SGMS1: variants seen among roughly 807,000 people sequenced by gnomAD.
SGMS1 encodes sphingomyelin synthase 1.
In SGMS1, 13 loss-of-function variants were observed where a neutral mutation model predicts 46.2. That is an observed-to-expected ratio of 0.28 (90% CI 0.18 to 0.45). SGMS1 has a LOEUF of 0.45. Ranked by LOEUF, SGMS1 falls within the 20% of genes least tolerant of loss-of-function variation. SGMS1 has a pLI of 1.00. For missense variants in SGMS1, 324 were observed against 519.9 expected (o/e 0.62, Z 3.66); for synonymous variants, 203 against 187.8 (o/e 1.08, Z -0.66).
At chr10:50,367,542 G>A (rs755960145) in intron 6 of SGMS1, among the ~76,000 whole-genome samples, 3 of 152,060 alleles carry the variant, frequency 2.0e-5, no homozygotes, top group Non-Finnish European at 4.4e-5. Context: ...CCTTCTGCTG[G>A]TCTCCTGGAG....
chr10:50,551,668 G>C (rs879692027), intron 2 of SGMS1, among the ~76,000 whole-genome samples: 1 of 152,014 alleles, frequency 6.6e-6, no homozygotes, highest in Admixed American at 6.6e-5. Context: ...AAATCTAAAA[G>C]TATTCTAAAA....
intron 2 of SGMS1, among the ~76,000 whole-genome samples, chr10:50,548,163 A>G (rs116408559): frequency 0.012 from 1,758 of 152,106 alleles, 31 homozygotes; most frequent in African/African-American, 0.041. Context: ...CTATAAGGAT[A>G]TACCTGAGAC....
intron 3 of SGMS1, among the ~76,000 whole-genome samples, chr10:50,506,756 G>A (rs1422645476): frequency 6.6e-6 from 1 of 152,176 alleles, no homozygotes; most frequent in Non-Finnish European, 1.5e-5. Flanking sequence ...AGGCAGTGCA[G>A]CAAGCACATA....
At chr10:50,486,238 C>G (rs1837520251) in intron 3 of SGMS1, among the ~76,000 whole-genome samples, 1 of 152,112 alleles carries the variant, frequency 6.6e-6, no homozygotes, top group Non-Finnish European at 1.5e-5. Flanking sequence ...CAACACCATT[C>G]AGGACATAGG....
chr10:50,483,186 T>C (rs1380769891), intron 3 of SGMS1, among the ~76,000 whole-genome samples: 1 of 152,182 alleles, frequency 6.6e-6, no homozygotes, highest in East Asian at 1.9e-4. Flanking sequence ...TTCAAGCGAT[T>C]CTCCTGCCTC....
At chr10:50,418,841 G>A (rs1187943992) in intron 6 of SGMS1, among the ~76,000 whole-genome samples, 1 of 152,100 alleles carries the variant, frequency 6.6e-6, no homozygotes, top group Non-Finnish European at 1.5e-5. Flanking sequence ...GGGCTAAAAT[G>A]CCCACCTAAC....
chr10:50,476,989 G>C (rs1292347586), intron 3 of SGMS1, among the ~76,000 whole-genome samples: 1 of 152,254 alleles, frequency 6.6e-6, no homozygotes, highest in Non-Finnish European at 1.5e-5. Flanking sequence ...TAGGGTTGGA[G>C]CCCCCACACA....
At chr10:50,312,958 C>T (rs2133279403) in intron 8 of SGMS1, among the ~76,000 whole-genome samples, 1 of 152,270 alleles carries the variant, frequency 6.6e-6, no homozygotes, top group Middle Eastern at 3.4e-3. Flanking sequence ...ATGCCTCTGG[C>T]TGTATTGAGA....
At position 50,449,665 on chromosome 10, in the gene SGMS1, A is replaced by G. The variant is rs147369891; in HGVS notation, c.-313+11008T>C. 8.3e-3 allele frequency among the ~76,000 whole-genome samples: 1,165 copies of G among 139,538 alleles called. 15 individuals are homozygous for G. The highest frequency in any genetic ancestry group is 0.042 in the South Asian group (188 of 4,528). The allele number at this position is 139,538 out of a possible 152,430, so 91.5% of individuals were successfully genotyped here. A position where few individuals can be genotyped will look rare whatever the true frequency, so the allele number is the denominator to read the frequency against. On this transcript the variant is annotated intron_variant, in intron 5 of 10. Transcript: ENST00000361781. ...CGTGTGTGTGTGTGTGTGTGTGTGTACACACATGCCCCAATTAGACTTACA... is the reference window on the plus strand; with the variant it reads ...CGTGTGTGTGTGTGTGTGTGTGTGTGCACACATGCCCCAATTAGACTTACA...
intron 3 of SGMS1, among the ~76,000 whole-genome samples, chr10:50,515,046 A>G (rs1837789544): frequency 6.6e-6 from 1 of 152,238 alleles, no homozygotes; most frequent in Admixed American, 6.5e-5. Context: ...GAAGGTGATT[A>G]AAATAATCCT....
At chr10:50,349,680 A>G (rs771392472) in intron 6 of SGMS1, among the ~76,000 whole-genome samples, 13 of 152,268 alleles carry the variant, frequency 8.5e-5, no homozygotes, top group Admixed American at 2.6e-4. Flanking sequence ...GTGGTAGTGA[A>G]TAAGCCTCAT....
At chr10:50,535,250 C>CAAT (rs397791800) in intron 2 of SGMS1, among the ~76,000 whole-genome samples, 1 of 151,174 alleles carries the variant, frequency 6.6e-6, no homozygotes, top group African/African-American at 2.4e-5. Flanking sequence ...ACAACAACAA[C>CAAT]TATCATCTTA....
At chr10:50,327,952 A>G (rs139144099) in intron 7 of SGMS1, 3 of 266,344 alleles carry the variant, frequency 1.1e-5, no homozygotes, top group Non-Finnish European at 2.2e-5. Flanking sequence ...TAGGGGTAAC[A>G]ACATTAGAAA....
intron 3 of SGMS1, among the ~76,000 whole-genome samples, chr10:50,488,598 T>A (rs1173040629): frequency 2.0e-5 from 3 of 152,110 alleles, no homozygotes; most frequent in Non-Finnish European, 4.4e-5. Context: ...TATTCCAGAC[T>A]TTTCCCAAGT....
chr10:50,313,692 C>T (rs1347483473), intron 8 of SGMS1, among the ~76,000 whole-genome samples: 1 of 152,096 alleles, frequency 6.6e-6, no homozygotes, highest in East Asian at 1.9e-4. Flanking sequence ...CTAAAATTCC[C>T]TCTGTGTTTT....
At chr10:50,620,213 G>A (rs1170748027) in intron 1 of SGMS1, among the ~76,000 whole-genome samples, 1 of 152,290 alleles carries the variant, frequency 6.6e-6, no homozygotes, top group East Asian at 1.9e-4. Flanking sequence ...CATCCAAGTG[G>A]GCTGATCCAA....
At chr10:50,421,163 C>T (rs1468803625) in intron 6 of SGMS1, among the ~76,000 whole-genome samples, 2 of 152,084 alleles carry the variant, frequency 1.3e-5, no homozygotes, top group African/African-American at 4.8e-5. Context: ...AAAAAAGTGA[C>T]GGTGAAACTA....
intron 5 of SGMS1, among the ~76,000 whole-genome samples, chr10:50,451,943 G>A (rs373204907): frequency 6.6e-6 from 1 of 152,096 alleles, no homozygotes; most frequent in Non-Finnish European, 1.5e-5. Context: ...CACTCATTCA[G>A]AATCAAATGA....
At chr10:50,583,683 C>A (rs1313090215) in intron 2 of SGMS1, among the ~76,000 whole-genome samples, 2 of 152,214 alleles carry the variant, frequency 1.3e-5, no homozygotes, top group Non-Finnish European at 1.5e-5. Context: ...AAGGCAGATC[C>A]AGTCCTTAGA....
Sources: gnomAD v4.1 joint callset for allele counts (sites outside exome capture counted in the v4.1 genomes callset) on GRCh38, gnomAD v4.1.1 for gene constraint, MANE v1.5 for transcripts, NCBI Gene and HGNC (gene_info 2026-07-23, HGNC 2026-07-21) for gene names.